LRIG1: variants seen among roughly 807,000 people sequenced by gnomAD.
LRIG1 encodes the protein leucine rich repeats and immunoglobulin like domains 1.
A neutral mutation model predicts 99.2 loss-of-function variants in LRIG1; 48 were observed. The observed-to-expected ratio is 0.48, with a 90% CI of 0.38 to 0.62. LRIG1 has a LOEUF of 0.62. Among genes scored for constraint, LRIG1 ranks in the 20% least tolerant of loss-of-function variants. LRIG1 has a pLI of 0.00. For missense variants in LRIG1, 1,646 were observed against 1,434.4 expected (o/e 1.15, Z -2.38); for synonymous variants, 772 against 596.1 (o/e 1.29, Z -4.30).
chr3:66,451,842 G>A (rs1703913648), intron 2 of LRIG1, among the ~76,000 whole-genome samples: 2 of 152,136 alleles, frequency 1.3e-5, no homozygotes, highest in African/African-American at 4.8e-5. Context: ...CACACCCATG[G>A]CTAGAAACAA....
At chr3:66,441,398 C>G (rs9877732) in intron 3 of LRIG1, among the ~76,000 whole-genome samples, 92,316 of 151,970 alleles carry the variant, frequency 0.61, 31,220 homozygotes, top group East Asian at 0.92. Flanking sequence ...CGAGACCTGA[C>G]GACAAGAGTG....
At position 66,417,057 on chromosome 3, in the gene LRIG1, T is replaced by A. The variant is rs1575674340; in HGVS notation, c.503+72A>T. ...GAAGCATCCCTCCTGCATCCAGAACTGGGTGCCGGTGAAGCTGTTAGCTGG... is the reference window on the plus strand; with the variant it reads ...GAAGCATCCCTCCTGCATCCAGAACAGGGTGCCGGTGAAGCTGTTAGCTGG... On this transcript the variant is annotated intron_variant, in intron 4 of 18. Transcript: ENST00000273261. The A allele has an allele frequency of 3.2e-6, 5 of 1,579,766 alleles. No homozygotes were observed. In the East Asian group the frequency reaches 1.1e-4, roughly 36 times the overall value.
intron 3 of LRIG1, among the ~76,000 whole-genome samples, chr3:66,424,573 G>A (rs1300201615): frequency 2.0e-5 from 3 of 152,278 alleles, no homozygotes; most frequent in East Asian, 3.9e-4. Context: ...CAGTTCCCAA[G>A]AAGATCCATA....
rs185172415 is a variant in LRIG1, at chr3:66,434,646, C to T, written c.365+16913G>A. 1.7e-3 allele frequency among the ~76,000 whole-genome samples: 259 copies of T among 151,618 alleles called. 4 individuals are homozygous for T. Among genetic ancestry groups the T allele is most frequent in the Non-Finnish European group, 6.5e-4 (44 of 67,944 alleles). On this transcript the variant is annotated intron_variant, in intron 3 of 18. Transcript: ENST00000273261. ...CCTGCAATCCCAGCTTCTGGGGAGGCTGAGGCATAAGAATCACTTGAACCC... is the reference window on the plus strand; with the variant it reads ...CCTGCAATCCCAGCTTCTGGGGAGGTTGAGGCATAAGAATCACTTGAACCC...
chr3:66,447,106 G>A (rs1029435052), intron 3 of LRIG1, among the ~76,000 whole-genome samples: 2 of 152,250 alleles, frequency 1.3e-5, no homozygotes, highest in Admixed American at 6.5e-5. Flanking sequence ...CATAGTAGGT[G>A]TATATATTTA....
intron 3 of LRIG1, 88 bp from the exon 4 acceptor site, chr3:66,417,354 A>AAT: frequency 7.4e-7 from 1 of 1,343,342 alleles, no homozygotes; most frequent in Non-Finnish European, 1.0e-6. Context: ...ACCCCCCACC[A>AAT]ATATAACTAC....
At chr3:66,395,052 C>T (rs114088735) in intron 11 of LRIG1, among the ~76,000 whole-genome samples, 2 of 152,322 alleles carry the variant, frequency 1.3e-5, no homozygotes, top group East Asian at 1.9e-4. Flanking sequence ...GACATTCCTT[C>T]CTGAGGAGTC....
At chr3:66,451,007 T>G (rs1481963654) in intron 3 of LRIG1, among the ~76,000 whole-genome samples, 2 of 152,242 alleles carry the variant, frequency 1.3e-5, no homozygotes, top group East Asian at 3.8e-4. Flanking sequence ...CTTCATGTCT[T>G]TTTAGCTAAG....
Position 66,410,266 on chromosome 3 carries a change from C to A in LRIG1, c.798G>T (p.Leu266=), listed in dbSNP as rs990795006. The A allele has an allele frequency of 6.2e-7, 1 of 1,604,646 alleles. No individual in the cohort carries two copies. Among genetic ancestry groups the A allele is most frequent in the South Asian group, 1.1e-5 (1 of 89,476 alleles). The change falls in exon 7 of 19, where the codon CTG becomes CTT. Residue 266 remains leucine, a synonymous_variant. Transcript: ENST00000273261. The part of the protein sequence containing the change: ...WGLSKMHVLH[L]EYNSLVEVNS... ...TCACTTCTACCAGGCTGTTGTACTC[C>A]AGGTGCCTGCAATGACAGCCATGCA...
chr3:66,472,218 G>A (rs1247448573), intron 1 of LRIG1, among the ~76,000 whole-genome samples: 1 of 148,690 alleles, frequency 6.7e-6, no homozygotes, highest in South Asian at 2.1e-4. Context: ...GCAGGAGAAT[G>A]GCGAGAACCC....
rs145414472 is a variant in LRIG1 at position 66,389,315 on chromosome 3, G to GA, written c.1469-3015dup. Among the ~76,000 whole-genome samples, 503 of 152,048 alleles carry GA rather than the reference G, an allele frequency of 3.3e-3. 2 individuals are homozygous for GA. The highest frequency in any genetic ancestry group is 0.022 in the East Asian group (113 of 5,178). ...AACTAGTCAGTATTGGAAAAACAAT[G>GA]AAACAAAAAGATAGGACACATAGAA... On this transcript the variant is annotated intron_variant, in intron 12 of 18. Coordinates refer to ENST00000273261, the MANE Select transcript of LRIG1 (RefSeq NM_015541.3).
chr3:66,460,650 C>A (rs1700335402), intron 2 of LRIG1, among the ~76,000 whole-genome samples: 2 of 152,230 alleles, frequency 1.3e-5, no homozygotes, highest in African/African-American at 4.8e-5. Context: ...TCTTGGACTT[C>A]CTGCTTCCAG....
chr3:66,449,647 T>C (rs1703837108), intron 3 of LRIG1, among the ~76,000 whole-genome samples: 1 of 152,230 alleles, frequency 6.6e-6, no homozygotes. Flanking sequence ...CAGAGTCACC[T>C]GCCACGCTCC....
intron 6 of LRIG1, among the ~76,000 whole-genome samples, chr3:66,410,691 A>G (rs1575669948): frequency 6.6e-6 from 1 of 152,220 alleles, no homozygotes; most frequent in Non-Finnish European, 1.5e-5. Context: ...CAAAACAAAA[A>G]GTGACCCAGG....
chr3:66,434,074 AACTTAAC>A (rs1199023470), intron 3 of LRIG1, among the ~76,000 whole-genome samples: 4 of 152,250 alleles, frequency 2.6e-5, no homozygotes, highest in Non-Finnish European at 5.9e-5. Flanking sequence ...ATAAAAGGAA[AACTTAAC>A]ACTTATTAGG....
chr3:66,457,654 A>G (rs1321043491), intron 2 of LRIG1, among the ~76,000 whole-genome samples: 2 of 152,234 alleles, frequency 1.3e-5, no homozygotes, highest in Non-Finnish European at 2.9e-5. Flanking sequence ...GTTACAGAAG[A>G]AAGAAAGCAA....
chr3:66,423,781 C>A (rs1459938403), intron 3 of LRIG1, among the ~76,000 whole-genome samples: 1 of 152,194 alleles, frequency 6.6e-6, no homozygotes, highest in Non-Finnish European at 1.5e-5. Context: ...AGCTATCCCA[C>A]TCACAGGTGT....
In LRIG1 at chr3:66,462,469, C is replaced by T; in HGVS notation, c.259G>A (p.Gly87Ser). ...YNKLSEIDPA[G>S]FEDLPNLQEV... is the part of the protein sequence containing the mutation. ...TGTAGGTTCGGCAAGTCCTCAAAAC[C>T]AGCAGGGTCAATCTCAGAGAGTTTG... The change falls in exon 2 of 19, where the codon GGT becomes AGT. Residue 87 changes from glycine to serine, a missense_variant. Gly to Ser is a moderately conservative substitution (Grantham distance 56). Transcript: ENST00000273261. 1.9e-6 allele frequency: 3 copies of T among 1,612,910 alleles called. No individual in the cohort carries two copies. Among genetic ancestry groups the T allele is most frequent in the Non-Finnish European group, 2.5e-6 (3 of 1,179,512 alleles).
chr3:66,437,915 C>T (rs1020272196), intron 3 of LRIG1, among the ~76,000 whole-genome samples: 6 of 152,152 alleles, frequency 3.9e-5, no homozygotes, highest in Admixed American at 1.3e-4. Flanking sequence ...GCTTTCCTTA[C>T]GCACAATTTA....
Sources: gnomAD v4.1 joint callset for allele counts (sites outside exome capture counted in the v4.1 genomes callset) on GRCh38, gnomAD v4.1.1 for gene constraint, MANE v1.5 for transcripts, NCBI Gene and HGNC (gene_info 2026-07-23, HGNC 2026-07-21) for gene names.